The following DAO variants were observed in gnomAD, a reference collection of about 807,000 sequenced individuals.
DAO encodes the protein D-amino-acid oxidase.
In DAO, 51 loss-of-function variants were observed where a neutral mutation model predicts 50.1. That is an observed-to-expected ratio of 1.02 (90% CI 0.81 to 1.29). The LOEUF is 1.29. DAO is among the 50% of genes most tolerant of loss of function. The pLI is 0.00. For missense variants in DAO, 436 were observed against 439.4 expected, an observed-to-expected ratio of 0.99 and a Z score of 0.07; for synonymous variants, 160 against 166.2, an observed-to-expected ratio of 0.96 and a Z score of 0.29.
chr12:108,880,108 T>G lies in DAO; in HGVS notation c.-126T>G, dbSNP rs1467388883. The G allele has an allele frequency of 4.4e-6, 2 of 456,668 alleles. No homozygotes were observed. Among genetic ancestry groups the G allele is most frequent in the South Asian group, 3.1e-5 (2 of 64,564 alleles). The allele number at this position is 456,668 out of a possible 1,614,324, so 28.3% of individuals were successfully genotyped here. On this transcript the variant is annotated 5_prime_UTR_variant, in exon 1 of 11. Coordinates refer to ENST00000228476, the MANE Select transcript of DAO (RefSeq NM_001917.5). ...TTTGACCCTGCACTCCAGTCCGGGC[T>G]GGCGGACAGAGGGCTGGAAACAAGA... is the stretch of plus-strand genomic sequence containing the variant.
intron 1 of DAO, among the ~76,000 whole-genome samples, chr12:108,882,938 A>AATT (rs1285851696): frequency 6.6e-6 from 1 of 151,778 alleles, no homozygotes; most frequent in East Asian, 1.9e-4. Flanking sequence ...GCTTGAGCCT[A>AATT]GGAATTGGAG....
chr12:108,895,981 G>A (rs1036037660), intron 7 of DAO, among the ~76,000 whole-genome samples: 2 of 151,612 alleles, frequency 1.3e-5, no homozygotes, highest in African/African-American at 2.4e-5. Context: ...ATGCACCTGT[G>A]ACTCCTTTTT....
intron 2 of DAO, among the ~76,000 whole-genome samples, chr12:108,886,728 A>G (rs2039439538): frequency 6.6e-6 from 1 of 152,186 alleles, no homozygotes; most frequent in Non-Finnish European, 1.5e-5. Context: ...AGCCTCCTGA[A>G]GAGCTGGGAT....
chr12:108,893,383 T>C (rs2039512691), intron 6 of DAO, among the ~76,000 whole-genome samples: 1 of 152,152 alleles, frequency 6.6e-6, no homozygotes, highest in South Asian at 2.1e-4. Context: ...TGTGTTGGTC[T>C]TTCTGCAAAG....
intron 3 of DAO, among the ~76,000 whole-genome samples, chr12:108,889,109 A>T (rs1436905829): frequency 5.5e-5 from 8 of 144,520 alleles, no homozygotes; most frequent in African/African-American, 2.0e-4. Context: ...TGTCATTATC[A>T]TTTTTTTTTT....
chr12:108,894,163 G>T, intron 6 of DAO, 100 bp from the exon 7 acceptor site: 1 of 906,040 alleles, frequency 1.1e-6, no homozygotes, highest in Non-Finnish European at 1.8e-6. Context: ...GTTCATCAGG[G>T]AGTAGACAGA....
At chr12:108,889,738 G>A (rs978927727) in intron 4 of DAO, among the ~76,000 whole-genome samples, 193 bp downstream of exon 4, 1 of 152,014 alleles carries the variant, frequency 6.6e-6, no homozygotes, top group Non-Finnish European at 1.5e-5. Context: ...GAAGGTAGGG[G>A]GTATGAAATC....
chr12:108,880,855 G>C (rs1419397988), intron 1 of DAO, among the ~76,000 whole-genome samples: 3 of 152,082 alleles, frequency 2.0e-5, no homozygotes, highest in Non-Finnish European at 4.4e-5. Flanking sequence ...CAAGCAGAAA[G>C]CATCAAGTGG....
intron 1 of DAO, chr12:108,883,623 C>A (rs1438214108): frequency 2.2e-6 from 1 of 456,484 alleles, no homozygotes; most frequent in Admixed American, 2.4e-5. Flanking sequence ...TTGGGATTAA[C>A]CCTGTTTTGC....
chr12:108,892,159 CTTTTTTT>C lies in DAO; in HGVS notation c.453-808_453-802del, dbSNP rs11356161. On this transcript the variant is annotated intron_variant, in intron 5 of 10. Transcript: ENST00000228476. ...TTTCTAGTGTATTTCTTTCTTTCTT[CTTTTTTT>C]TTTTTTTTTTTTTTGAGACAGAGTC... Among the ~76,000 whole-genome samples the C allele has an allele frequency of 3.0e-3, 326 of 108,988 alleles. 1 individual carries two copies. The highest frequency in any genetic ancestry group is 5.1e-3 in the Middle Eastern group (1 of 198). 71.5% of individuals were successfully genotyped at this position (108,988 alleles called of 152,430 possible). A position where few individuals can be genotyped will look rare whatever the true frequency, so the allele number is the denominator to read the frequency against.
At position 108,887,553 on chromosome 12, in the gene DAO, G is replaced by A; in HGVS notation, c.298G>A (p.Glu100Lys). Residue 100 changes from glutamate (E) to lysine (K), a missense_variant, in exon 3 of 11, where the codon GAA becomes AAA. By Grantham distance (56) the Glu-to-Lys change is moderately conservative (BLOSUM62 1). Coordinates refer to ENST00000228476, the MANE Select transcript of DAO (RefSeq NM_001917.5). ...FLISGYNLFH[E>K]AIPDPSWKDT... ...AATCTCGGGCTACAACCTCTTCCATGAAGCCATTCCGGTGGGTGAACAGTT... is the reference window on the plus strand; with the variant it reads ...AATCTCGGGCTACAACCTCTTCCATAAAGCCATTCCGGTGGGTGAACAGTT... 1 of 1,612,934 alleles carries A rather than the reference G, an allele frequency of 6.2e-7. No individual in the cohort carries two copies. Among genetic ancestry groups the A allele is most frequent in the Non-Finnish European group, 8.5e-7 (1 of 1,178,990 alleles).
At chr12:108,895,227 T>G (rs2039534448) in intron 7 of DAO, among the ~76,000 whole-genome samples, 1 of 140,148 alleles carries the variant, frequency 7.1e-6, no homozygotes, top group African/African-American at 3.0e-5. Context: ...TGCCTCCTCT[T>G]GCTGTGTGTG....
chr12:108,887,714 A>C, intron 3 of DAO, 150 bp downstream of exon 3: 1 of 693,808 alleles, frequency 1.4e-6, no homozygotes, highest in Non-Finnish European at 2.6e-6. Flanking sequence ...TTTGGTTTAA[A>C]TTCTATTTTT....
At chr12:108,885,244 T>C in intron 2 of DAO, 44 bp downstream of exon 2, 1 of 1,580,042 alleles carries the variant, frequency 6.3e-7, no homozygotes, top group Non-Finnish European at 8.6e-7. Context: ...CCCATGGACC[T>C]AAGTCTGCAG....
chr12:108,891,516 AT>A (rs916063170), intron 5 of DAO, among the ~76,000 whole-genome samples: 2 of 151,754 alleles, frequency 1.3e-5, no homozygotes, highest in Non-Finnish European at 2.9e-5. Context: ...ACCTCAGAAG[AT>A]TTTTTTTAAA....
At chr12:108,887,318 T>C (rs112156284) in intron 2 of DAO, 132 bp from the exon 3 acceptor site, 2 of 769,978 alleles carry the variant, frequency 2.6e-6, no homozygotes, top group African/African-American at 3.4e-5. Flanking sequence ...GTTGCAGGAG[T>C]GAACGTGGTG....
Position 108,887,494 on chromosome 12 carries a change from A to C in DAO, c.239A>C (p.His80Pro). 1 of 1,614,064 alleles carries C rather than the reference A, an allele frequency of 6.2e-7. No individual in the cohort carries two copies. The highest frequency in any genetic ancestry group is 1.3e-5 in the African/African-American group (1 of 75,024). The part of the protein sequence containing the change: ...QTFDYLLSHV[H>P]SPNAENLGLF... The stretch of plus-strand genomic sequence containing the variant: ...TTTGACTATCTCCTGAGCCATGTCC[A>C]TTCTCCCAACGCTGAAAACCTGGGC... The change falls in exon 3 of 11, where the codon CAT becomes CCT. Residue 80 changes from histidine (H) to proline (P), a missense_variant. Transcript: ENST00000228476.
intron 1 of DAO, among the ~76,000 whole-genome samples, chr12:108,881,652 T>C (rs2137335249): frequency 7.0e-6 from 1 of 143,592 alleles, no homozygotes; most frequent in Admixed American, 7.8e-5. Flanking sequence ...TCACCTGGGC[T>C]GGAGTGCAAT....
intron 7 of DAO, among the ~76,000 whole-genome samples, chr12:108,895,540 A>G (rs1328148823): frequency 9.8e-5 from 12 of 122,506 alleles, no homozygotes; most frequent in African/African-American, 2.6e-4. Context: ...ATGTGAGGGT[A>G]TGTGTGTGTG....
Sources: allele counts gnomAD v4.1 joint callset (sites outside exome capture counted in the v4.1 genomes callset), GRCh38; gene constraint gnomAD v4.1.1; transcripts MANE v1.5; gene names NCBI Gene and HGNC (gene_info 2026-07-23, HGNC 2026-07-21).